Variants in ARHGAP15 observed in about 807,000 individuals in gnomAD.
The protein encoded by ARHGAP15 is Rho GTPase activating protein 15.
A neutral mutation model predicts 63.7 loss-of-function variants in ARHGAP15; 51 were observed. The observed-to-expected ratio is 0.80, with a 90% CI of 0.64 to 1.01. ARHGAP15 has a LOEUF of 1.01. Among genes scored for constraint, ARHGAP15 ranks in the 50% least tolerant of loss-of-function variants. ARHGAP15 has a pLI of 0.00. For missense variants in ARHGAP15, 560 were observed against 564.6 expected (o/e 0.99, Z 0.08); for synonymous variants, 191 against 193.8 (o/e 0.99, Z 0.12).
At chr2:143,345,224 A>G (rs1464813221) in intron 6 of ARHGAP15, among the ~76,000 whole-genome samples, 1 of 140,246 alleles carries the variant, frequency 7.1e-6, no homozygotes, top group Non-Finnish European at 1.5e-5. Flanking sequence ...AGTTAAAATT[A>G]TTTTATGGGT....
At chr2:143,587,216 CCT>C (rs1300823002) in intron 11 of ARHGAP15, among the ~76,000 whole-genome samples, 1 of 152,130 alleles carries the variant, frequency 6.6e-6, no homozygotes, top group Non-Finnish European at 1.5e-5. Flanking sequence ...TTAAAGGAAA[CCT>C]CTTTCATCTG....
At chr2:143,379,817 A>G (rs937892187) in intron 6 of ARHGAP15, among the ~76,000 whole-genome samples, 45 of 152,110 alleles carry the variant, frequency 3.0e-4, no homozygotes, top group African/African-American at 9.4e-4. Context: ...AAGAAAAAGT[A>G]AAGGAAACAA....
intron 3 of ARHGAP15, among the ~76,000 whole-genome samples, chr2:143,204,241 G>A (rs1692238416): frequency 6.6e-6 from 1 of 152,098 alleles, no homozygotes; most frequent in African/African-American, 2.4e-5. Context: ...ACAACAGTGG[G>A]AGTGATCCTG....
At chr2:143,737,304 A>G (rs1379349868) in intron 13 of ARHGAP15, among the ~76,000 whole-genome samples, 1 of 152,228 alleles carries the variant, frequency 6.6e-6, no homozygotes, top group Non-Finnish European at 1.5e-5. Context: ...TTTGTCTCAC[A>G]TTTGACCTAT....
chr2:143,542,804 GTA>G (rs201328870), intron 10 of ARHGAP15, among the ~76,000 whole-genome samples: 22,912 of 85,640 alleles, frequency 0.27, 6,307 homozygotes, highest in Middle Eastern at 0.43. Flanking sequence ...CACATATATA[GTA>G]TATATATGAT....
intron 11 of ARHGAP15, among the ~76,000 whole-genome samples, chr2:143,623,498 T>G (rs1698721821): frequency 1.3e-5 from 2 of 152,154 alleles, no homozygotes; most frequent in Non-Finnish European, 2.9e-5. Context: ...TGTCTAATAT[T>G]GTTGCTGGGC....
chr2:143,217,651 G>A (rs1434722480), intron 4 of ARHGAP15, among the ~76,000 whole-genome samples: 1 of 152,124 alleles, frequency 6.6e-6, no homozygotes, highest in African/African-American at 2.4e-5. Context: ...GGAAGTCTTT[G>A]AGTAGCCCAG....
chr2:143,454,156 A>G (rs1690539008), intron 8 of ARHGAP15, among the ~76,000 whole-genome samples: 1 of 151,980 alleles, frequency 6.6e-6, no homozygotes, highest in South Asian at 2.1e-4. Context: ...GAGGACTCGT[A>G]TCTGTAGTAA....
chr2:143,645,223 A>G (rs994659168), intron 12 of ARHGAP15, among the ~76,000 whole-genome samples: 1 of 152,154 alleles, frequency 6.6e-6, no homozygotes, highest in African/African-American at 2.4e-5. Context: ...TTTAAAGTAA[A>G]TGAAACCAAC....
intron 6 of ARHGAP15, among the ~76,000 whole-genome samples, chr2:143,383,205 C>A (rs1687130435): frequency 1.3e-5 from 2 of 152,146 alleles, no homozygotes; most frequent in Non-Finnish European, 2.9e-5. Context: ...CATTTCAGAA[C>A]TATTGCACAA....
chr2:143,357,413 T>G (rs775265698), intron 6 of ARHGAP15, among the ~76,000 whole-genome samples: 2 of 152,122 alleles, frequency 1.3e-5, no homozygotes, highest in Admixed American at 1.3e-4. Context: ...ATAGCTATTA[T>G]TGATAAATAC....
At chr2:143,373,373 G>A (rs144420074) in intron 6 of ARHGAP15, among the ~76,000 whole-genome samples, 16 of 152,228 alleles carry the variant, frequency 1.1e-4, no homozygotes, top group African/African-American at 2.9e-4. Flanking sequence ...GCTCACGCCT[G>A]TAATCCGAGC....
intron 6 of ARHGAP15, among the ~76,000 whole-genome samples, chr2:143,361,252 T>C (rs557842412): frequency 1.2e-4 from 18 of 152,354 alleles, no homozygotes; most frequent in African/African-American, 4.1e-4. Flanking sequence ...TGATCTCCAG[T>C]TGAATCTTCA....
At chr2:143,350,980 G>T (rs544002455) in intron 6 of ARHGAP15, 1 of 150,990 alleles carries the variant, frequency 6.6e-6, no homozygotes, top group Non-Finnish European at 1.5e-5. Context: ...ATTATAGTAT[G>T]TAAGTAAAGC....
intron 12 of ARHGAP15, among the ~76,000 whole-genome samples, chr2:143,658,111 C>A (rs1213232513): frequency 6.6e-6 from 1 of 152,182 alleles, no homozygotes; most frequent in African/African-American, 2.4e-5. Context: ...AGCCATCTTC[C>A]TGTACAGAAA....
intron 4 of ARHGAP15, among the ~76,000 whole-genome samples, chr2:143,222,972 C>CT: frequency 6.6e-6 from 1 of 151,980 alleles, no homozygotes; most frequent in South Asian, 2.1e-4. Context: ...ACCTGCATTT[C>CT]TTTTTTTGTT....
intron 4 of ARHGAP15, among the ~76,000 whole-genome samples, chr2:143,223,975 G>A (rs1334435979): frequency 6.6e-6 from 1 of 152,222 alleles, no homozygotes; most frequent in African/African-American, 2.4e-5. Flanking sequence ...TAGAAGTACA[G>A]TTTTTGAGGA....
intron 5 of ARHGAP15, among the ~76,000 whole-genome samples, chr2:143,242,153 A>C (rs929999135): frequency 2.6e-5 from 4 of 152,188 alleles, no homozygotes; most frequent in Admixed American, 2.6e-4. Context: ...CCACTCCTGC[A>C]AAGTGGCATT....
intron 8 of ARHGAP15, among the ~76,000 whole-genome samples, chr2:143,448,066 G>A (rs184901418): frequency 3.9e-3 from 600 of 152,280 alleles, no homozygotes; most frequent in Non-Finnish European, 5.8e-3. Flanking sequence ...ATGCTGCTGT[G>A]GAACTCTAGC....
Sources: gnomAD v4.1 joint callset for allele counts (sites outside exome capture counted in the v4.1 genomes callset) on GRCh38, gnomAD v4.1.1 for gene constraint, MANE v1.5 for transcripts, NCBI Gene and HGNC (gene_info 2026-07-23, HGNC 2026-07-21) for gene names.